The following ERC2 variants were observed in gnomAD, a reference collection of about 807,000 sequenced individuals.
ERC2 encodes ERC protein 2.
In ERC2, 42 loss-of-function variants were observed where a neutral mutation model predicts 114.8. The observed-to-expected ratio is 0.37, with a 90% CI of 0.29 to 0.47. The LOEUF is 0.47. Ranked by LOEUF, ERC2 falls within the 20% of genes least tolerant of loss-of-function variation. The pLI, the probability that ERC2 is intolerant of heterozygous loss-of-function variation, is 0.99. For synonymous variants in ERC2, 454 were observed against 425.5 expected (o/e 1.07, Z -0.82); for missense variants, 939 against 1,150.7 (o/e 0.82, Z 2.66).
intron 14 of ERC2, among the ~76,000 whole-genome samples, chr3:55,854,961 G>T (rs1043998093): frequency 2.0e-5 from 3 of 152,100 alleles, no homozygotes; most frequent in Non-Finnish European, 2.9e-5. Flanking sequence ...TTTGATGTGG[G>T]TCTTAAAGTT....
At position 55,683,214 on chromosome 3, in the gene ERC2, A is replaced by G. The variant is rs187561743; in HGVS notation, c.*39+580T>C. ...TATTCTAATTCATTTAAAGAGTTAC[A>G]GTTACCCATTCACCATTACTATGCC... On this transcript the variant is annotated intron_variant, in intron 17 of 17. Coordinates refer to ENST00000288221, the MANE Select transcript of ERC2 (RefSeq NM_015576.3). Among the ~76,000 whole-genome samples the G allele has an allele frequency of 5.3e-5, 8 of 152,360 alleles. No individual in the cohort carries two copies. In the East Asian group the frequency reaches 1.2e-3, roughly 22 times the overall value.
At chr3:56,268,384 G>A (rs1253941672) in intron 3 of ERC2, among the ~76,000 whole-genome samples, 3 of 151,948 alleles carry the variant, frequency 2.0e-5, no homozygotes, top group Non-Finnish European at 4.4e-5. Context: ...TATCCCCATC[G>A]TTAAGCAACA....
intron 13 of ERC2, among the ~76,000 whole-genome samples, chr3:55,900,173 C>T (rs757398883): frequency 5.9e-5 from 9 of 152,252 alleles, no homozygotes; most frequent in East Asian, 3.9e-4. Context: ...TAATTCCTGC[C>T]GCCTCCACCC....
At chr3:55,716,120 C>A (rs2064106786) in intron 15 of ERC2, among the ~76,000 whole-genome samples, 1 of 152,158 alleles carries the variant, frequency 6.6e-6, no homozygotes, top group African/African-American at 2.4e-5. Flanking sequence ...TGACAGTTTT[C>A]ATATCACACT....
chr3:56,411,849 A>G (rs993259994), intron 2 of ERC2, among the ~76,000 whole-genome samples: 3 of 152,170 alleles, frequency 2.0e-5, no homozygotes, highest in African/African-American at 7.2e-5. Context: ...GGCTTCAGCC[A>G]CTAACTAGCT....
At chr3:55,741,504 T>C (rs2065960085) in intron 14 of ERC2, among the ~76,000 whole-genome samples, 1 of 152,190 alleles carries the variant, frequency 6.6e-6, no homozygotes, top group Non-Finnish European at 1.5e-5. Context: ...ACCAGATTTA[T>C]ATTGCTTCAG....
intron 13 of ERC2, among the ~76,000 whole-genome samples, chr3:55,947,315 A>G (rs2067186655): frequency 6.6e-6 from 1 of 152,072 alleles, no homozygotes; most frequent in Admixed American, 6.5e-5. Flanking sequence ...TTCATTATGC[A>G]TATGCTATTT....
intron 17 of ERC2, among the ~76,000 whole-genome samples, chr3:55,625,699 C>T (rs9311570): frequency 0.36 from 54,357 of 151,190 alleles, 10,506 homozygotes; most frequent in East Asian, 0.6. Context: ...TGCAGTGAGC[C>T]GAGATCGCGC....
chr3:56,332,580 T>C (rs1031980240), intron 2 of ERC2, among the ~76,000 whole-genome samples: 1 of 152,196 alleles, frequency 6.6e-6, no homozygotes, highest in Non-Finnish European at 1.5e-5. Context: ...ATTGTTTCCA[T>C]CAAATATGGG....
intron 7 of ERC2, among the ~76,000 whole-genome samples, chr3:56,058,960 T>G (rs1021890500): frequency 6.6e-6 from 1 of 152,144 alleles, no homozygotes; most frequent in Non-Finnish European, 1.5e-5. Context: ...GAAACTTTGG[T>G]CCAGGGCCCT....
At chr3:56,228,186 C>T (rs530347964) in intron 3 of ERC2, among the ~76,000 whole-genome samples, 12 of 152,136 alleles carry the variant, frequency 7.9e-5, no homozygotes, top group Non-Finnish European at 1.0e-4. Context: ...TTTTTTTATT[C>T]GTCATTTCTA....
chr3:55,987,126 G>A (rs745994780), intron 11 of ERC2, among the ~76,000 whole-genome samples: 5 of 152,116 alleles, frequency 3.3e-5, no homozygotes, highest in African/African-American at 7.2e-5. Context: ...TTAACCACAC[G>A]GGGAAAGTGT....
chr3:55,519,104 G>A (rs187405290), intron 17 of ERC2, among the ~76,000 whole-genome samples: 1 of 152,150 alleles, frequency 6.6e-6, no homozygotes, highest in African/African-American at 2.4e-5. Context: ...GGGTAGCGCC[G>A]GTACCTCTGC....
chr3:55,617,015 C>G (rs941336226), intron 17 of ERC2, among the ~76,000 whole-genome samples: 45 of 152,026 alleles, frequency 3.0e-4, no homozygotes, highest in African/African-American at 1.0e-3. Flanking sequence ...CAGGCTTTGC[C>G]GATGGAAGGC....
intron 14 of ERC2, among the ~76,000 whole-genome samples, chr3:55,776,881 A>G (rs2068661199): frequency 6.6e-6 from 1 of 152,216 alleles, no homozygotes; most frequent in Admixed American, 6.5e-5. Flanking sequence ...TTTTAGTATT[A>G]GTATTCGTTG....
intron 2 of ERC2, among the ~76,000 whole-genome samples, chr3:56,360,156 C>T (rs968029148): frequency 1.3e-5 from 2 of 150,584 alleles, no homozygotes; most frequent in Admixed American, 1.3e-4. Flanking sequence ...GCTCCGCCTC[C>T]TGGGTTTACG....
chr3:55,977,484 C>T (rs909579485), intron 12 of ERC2, among the ~76,000 whole-genome samples: 1 of 152,146 alleles, frequency 6.6e-6, no homozygotes, highest in Non-Finnish European at 1.5e-5. Context: ...TTAAACATGT[C>T]TATTGTCACT....
chr3:56,409,157 G>A (rs2060842084), intron 2 of ERC2, among the ~76,000 whole-genome samples: 1 of 152,170 alleles, frequency 6.6e-6, no homozygotes, highest in Non-Finnish European at 1.5e-5. Context: ...CCATCCTCCC[G>A]GCAACCTAGG....
chr3:56,418,295 CAAA>C (rs57185789), intron 2 of ERC2, among the ~76,000 whole-genome samples: 26 of 75,162 alleles, frequency 3.5e-4, no homozygotes, highest in Middle Eastern at 6.8e-3. Flanking sequence ...GATCCTGTCT[CAAA>C]AAAAAAAAAA....
Sources: allele counts gnomAD v4.1 joint callset (sites outside exome capture counted in the v4.1 genomes callset), GRCh38; gene constraint gnomAD v4.1.1; transcripts MANE v1.5; gene names NCBI Gene and HGNC (gene_info 2026-07-23, HGNC 2026-07-21).